Variants in ARK2C observed in about 807,000 individuals in gnomAD.
ARK2C encodes arkadia (RNF111) C-terminal like ring finger ubiquitin ligase 2C, also known as E3 ubiquitin-protein ligase ARK2C.
chr18:46,347,772 AG>A, the ARK2C span, among the ~76,000 whole-genome samples: 1 of 152,096 alleles, frequency 6.6e-6, no homozygotes, highest in Non-Finnish European at 1.5e-5. Flanking sequence ...AATAAAAGGA[AG>A]GGGGAAACTG....
At chr18:46,408,546 T>C in the ARK2C span, among the ~76,000 whole-genome samples, 1 of 152,162 alleles carries the variant, frequency 6.6e-6, no homozygotes, top group Non-Finnish European at 1.5e-5. Flanking sequence ...CAAACAGAGT[T>C]AAGGTTATCA....
At chr18:46,419,022 C>G in the ARK2C span, among the ~76,000 whole-genome samples, 1 of 152,206 alleles carries the variant, frequency 6.6e-6, no homozygotes, top group Non-Finnish European at 1.5e-5. Context: ...TGATTCCCTC[C>G]TGGAGAATTT....
At chr18:46,351,611 G>A in the ARK2C span, among the ~76,000 whole-genome samples, 4 of 152,142 alleles carry the variant, frequency 2.6e-5, no homozygotes, top group Admixed American at 1.3e-4. Context: ...CGCTCATGAG[G>A]GGCACATCAG....
the ARK2C span, among the ~76,000 whole-genome samples, chr18:46,441,900 C>A: frequency 7.0e-6 from 1 of 142,956 alleles, no homozygotes; most frequent in African/African-American, 2.6e-5. Context: ...CGCGGTGGCT[C>A]ACGCCTGTAA....
At chr18:46,441,212 T>C in the ARK2C span, among the ~76,000 whole-genome samples, 1 of 152,090 alleles carries the variant, frequency 6.6e-6, no homozygotes, top group Non-Finnish European at 1.5e-5. Flanking sequence ...AGGCTGATCC[T>C]CTACTTCTGT....
chr18:46,342,196 C>G, the ARK2C span, among the ~76,000 whole-genome samples: 1 of 152,206 alleles, frequency 6.6e-6, no homozygotes. Flanking sequence ...CCCTTCCTGA[C>G]TAGCTAGTAA....
chr18:46,334,416 C>T, the ARK2C span: 2 of 1,333,320 alleles, frequency 1.5e-6, no homozygotes, highest in Admixed American at 2.3e-5. The surrounding 1 kb of genome is among the most constrained non-coding windows in gnomAD (Gnocchi z 4.4). Flanking sequence ...CCGCGGGCGG[C>T]CGGGGGCTCA....
At chr18:46,369,727 G>A in the ARK2C span, among the ~76,000 whole-genome samples, 2 of 152,152 alleles carry the variant, frequency 1.3e-5, no homozygotes, top group African/African-American at 4.8e-5. Flanking sequence ...TCATAAACCG[G>A]GGGGTCCTTA....
chr18:46,390,676 A>T, the ARK2C span, among the ~76,000 whole-genome samples: 1 of 152,074 alleles, frequency 6.6e-6, no homozygotes, highest in South Asian at 2.1e-4. Context: ...AGCAGCATTT[A>T]TGGGGTGTGG....
At chr18:46,358,233 G>A in the ARK2C span, among the ~76,000 whole-genome samples, 4 of 152,190 alleles carry the variant, frequency 2.6e-5, no homozygotes, top group Non-Finnish European at 5.9e-5. Context: ...TCAGAGAAAA[G>A]GGCATGTTTT....
the ARK2C span, chr18:46,337,688 T>C: frequency 2.3e-6 from 2 of 851,908 alleles, no homozygotes; most frequent in South Asian, 5.4e-5. Flanking sequence ...TTCCCATTTA[T>C]TGTCGTATCC....
At chr18:46,414,745 C>G in the ARK2C span, among the ~76,000 whole-genome samples, 1 of 152,196 alleles carries the variant, frequency 6.6e-6, no homozygotes, top group Non-Finnish European at 1.5e-5. Flanking sequence ...ACGTGGAATC[C>G]TGGTCCTCAG....
chr18:46,361,587 T>G, the ARK2C span, among the ~76,000 whole-genome samples: 6 of 152,238 alleles, frequency 3.9e-5, no homozygotes, highest in African/African-American at 1.4e-4. Flanking sequence ...TTATTCCATT[T>G]GGTCCTCTTG....
the ARK2C span, chr18:46,458,179 G>T: frequency 6.6e-6 from 1 of 152,552 alleles, no homozygotes; most frequent in Non-Finnish European, 1.5e-5. Flanking sequence ...CGGGATGGGG[G>T]TGCTGGGAGA....
At chr18:46,384,095 G>T in the ARK2C span, among the ~76,000 whole-genome samples, 1 of 152,242 alleles carries the variant, frequency 6.6e-6, no homozygotes, top group Non-Finnish European at 1.5e-5. Context: ...ATTCTAGCCA[G>T]AGAGCTCAAC....
the ARK2C span, among the ~76,000 whole-genome samples, chr18:46,419,411 G>A: frequency 6.6e-6 from 1 of 152,152 alleles, no homozygotes; most frequent in Non-Finnish European, 1.5e-5. Context: ...CCTGCTAGGT[G>A]GGCAAGCAAG....
chr18:46,345,838 G>A, the ARK2C span, among the ~76,000 whole-genome samples: 2 of 152,166 alleles, frequency 1.3e-5, no homozygotes, highest in African/African-American at 4.8e-5. Flanking sequence ...ACACTCCTCT[G>A]GCATTTGGGT....
the ARK2C span, among the ~76,000 whole-genome samples, chr18:46,361,172 A>G: frequency 6.6e-6 from 1 of 152,082 alleles, no homozygotes; most frequent in Non-Finnish European, 1.5e-5. Context: ...TTCTAGTAAT[A>G]CCTTTTGAAA....
the ARK2C span, among the ~76,000 whole-genome samples, chr18:46,359,877 A>G: frequency 6.6e-6 from 1 of 152,190 alleles, no homozygotes; most frequent in Non-Finnish European, 1.5e-5. Flanking sequence ...CTTCCTAGAA[A>G]TTGCACGTGA....
Sources: gnomAD v4.1 joint callset for allele counts (sites outside exome capture counted in the v4.1 genomes callset) on GRCh38, gnomAD v4.1.1 for gene constraint, Gnocchi (gnomAD v3.1) non-coding constraint, MANE v1.5 for transcripts, NCBI Gene and HGNC (gene_info 2026-07-23, HGNC 2026-07-21) for gene names.